The following ARHGAP24 variants were observed in gnomAD, a reference collection of about 807,000 sequenced individuals.
ARHGAP24 encodes the protein Rho GTPase activating protein 24.
In ARHGAP24, 50 loss-of-function variants were observed where a neutral mutation model predicts 76.4. That is an observed-to-expected ratio of 0.65 (90% CI 0.52 to 0.83). ARHGAP24 has a LOEUF of 0.83. Among genes scored for constraint, ARHGAP24 ranks in the 40% least tolerant of loss-of-function variants. The probability of loss-of-function intolerance (pLI) is 0.00; values close to 1 mark genes in which losing one functional copy is unlikely to be tolerated. For synonymous variants in ARHGAP24, 345 were observed against 323.3 expected (o/e 1.07, Z -0.72); for missense variants, 930 against 914.2 (o/e 1.02, Z -0.22).
At chr4:85,764,991 GC>G (rs1726873401) in intron 3 of ARHGAP24, among the ~76,000 whole-genome samples, 1 of 151,924 alleles carries the variant, frequency 6.6e-6, no homozygotes, top group African/African-American at 2.4e-5. Flanking sequence ...GAGATTTTTG[GC>G]CCAAATGGCA....
chr4:85,651,703 G>T, intron 2 of ARHGAP24, among the ~76,000 whole-genome samples: 1 of 137,184 alleles, frequency 7.3e-6, no homozygotes, highest in African/African-American at 3.6e-5. Context: ...TAGGTCATAA[G>T]TGCTCTTAAA....
chr4:85,853,816 T>C (rs1291735214), intron 3 of ARHGAP24, among the ~76,000 whole-genome samples: 1 of 152,010 alleles, frequency 6.6e-6, no homozygotes, highest in Non-Finnish European at 1.5e-5. Context: ...TAGCTGGGCA[T>C]AGTGGCACAC....
At chr4:85,828,856 T>C (rs1408670605) in intron 3 of ARHGAP24, among the ~76,000 whole-genome samples, 2 of 151,988 alleles carry the variant, frequency 1.3e-5, no homozygotes, top group African/African-American at 4.8e-5. Flanking sequence ...TAAATAAATA[T>C]ATAGGAGGTT....
intron 8 of ARHGAP24, among the ~76,000 whole-genome samples, chr4:85,979,218 A>C (rs1205543245): frequency 6.6e-6 from 1 of 152,096 alleles, no homozygotes; most frequent in Non-Finnish European, 1.5e-5. Flanking sequence ...ATGTCACTTC[A>C]TCTCTCTTTT....
chr4:85,851,529 G>A (rs1197483071), intron 3 of ARHGAP24, among the ~76,000 whole-genome samples: 1 of 152,190 alleles, frequency 6.6e-6, no homozygotes, highest in South Asian at 2.1e-4. Flanking sequence ...AGTTGATGCC[G>A]TTTCTTCCTA....
chr4:85,521,338 T>C (rs117263724), intron 1 of ARHGAP24, among the ~76,000 whole-genome samples: 23 of 152,152 alleles, frequency 1.5e-4, no homozygotes, highest in Admixed American at 7.9e-4. Context: ...AGTTACATAG[T>C]GTCTAAGAGT....
chr4:85,535,087 C>A (rs1021431982), intron 1 of ARHGAP24, among the ~76,000 whole-genome samples: 1 of 152,106 alleles, frequency 6.6e-6, no homozygotes, highest in Non-Finnish European at 1.5e-5. Context: ...ATGTTATTTC[C>A]TTGATTCAAA....
At chr4:85,897,651 C>T (rs887012665) in intron 3 of ARHGAP24, among the ~76,000 whole-genome samples, 3 of 152,204 alleles carry the variant, frequency 2.0e-5, no homozygotes, top group African/African-American at 4.8e-5. Context: ...CTCCCCATGG[C>T]TCTCATATTG....
rs150645227 is a variant in ARHGAP24, at chr4:85,942,947, A to G, written c.599+674A>G. Among the ~76,000 whole-genome samples, 83 of 152,246 alleles carry G rather than the reference A, an allele frequency of 5.5e-4. 1 individual carries two copies. The highest frequency in any genetic ancestry group is 1.9e-3 in the African/African-American group (80 of 41,568). On this transcript the variant is annotated intron_variant, in intron 5 of 9. Transcript: ENST00000395184. The stretch of plus-strand genomic sequence containing the variant: ...AACATTATATACCAGAAATGTTTTC[A>G]TATTAATAGTTGAAAAATACCCTTT...
At position 85,634,698 on chromosome 4, in the gene ARHGAP24, C is replaced by A. The variant is rs550994217; in HGVS notation, c.180+63977C>A. On this transcript the variant is annotated intron_variant, in intron 2 of 9. Coordinates refer to ENST00000395184, the MANE Select transcript of ARHGAP24 (RefSeq NM_001025616.3). ...TTTGATGAAACTACCACTACCAGTT[C>A]ATTTAAGTTTTATTCTTTTCCATTG... Among the ~76,000 whole-genome samples the A allele has an allele frequency of 9.9e-5, 15 of 151,966 alleles. No individual in the cohort carries two copies. In the South Asian group the frequency reaches 2.9e-3, roughly 29 times the overall value.
chr4:85,751,142 T>G (rs72656282), intron 3 of ARHGAP24, among the ~76,000 whole-genome samples: 19 of 152,366 alleles, frequency 1.2e-4, no homozygotes, highest in Non-Finnish European at 2.5e-4. Context: ...CATATAAGCA[T>G]TCACTTGTCA....
At chr4:85,629,645 T>A (rs950264904) in intron 2 of ARHGAP24, among the ~76,000 whole-genome samples, 1 of 152,186 alleles carries the variant, frequency 6.6e-6, no homozygotes, top group African/African-American at 2.4e-5. Flanking sequence ...CAGTTTTTTT[T>A]ATTTGAACAG....
chr4:85,934,924 C>T (rs1736546945), intron 4 of ARHGAP24, among the ~76,000 whole-genome samples: 3 of 152,184 alleles, frequency 2.0e-5, no homozygotes, highest in Admixed American at 2.0e-4. Flanking sequence ...TATGCGTGCA[C>T]ATACACACAC....
intron 4 of ARHGAP24, among the ~76,000 whole-genome samples, chr4:85,935,120 A>G (rs1736557898): frequency 6.6e-6 from 1 of 152,222 alleles, no homozygotes; most frequent in Admixed American, 6.5e-5. Flanking sequence ...TATGTTATAT[A>G]TGTTGTAATC....
intron 8 of ARHGAP24, among the ~76,000 whole-genome samples, chr4:85,985,772 A>G (rs758333990): frequency 2.0e-5 from 3 of 152,190 alleles, no homozygotes; most frequent in Non-Finnish European, 2.9e-5. Context: ...CATGCCTCCT[A>G]ATCATTTGCT....
intron 2 of ARHGAP24, among the ~76,000 whole-genome samples, chr4:85,645,756 A>G (rs1560567328): frequency 6.6e-6 from 1 of 152,120 alleles, no homozygotes; most frequent in Non-Finnish European, 1.5e-5. Context: ...CATTTAGAGA[A>G]CTTCCAGAAG....
intron 3 of ARHGAP24, among the ~76,000 whole-genome samples, chr4:85,863,665 A>G (rs529957288): frequency 2.5e-4 from 38 of 152,218 alleles, no homozygotes; most frequent in African/African-American, 8.4e-4. Context: ...AGTACCCTAC[A>G]TATACTTCGA....
chr4:85,580,858 A>G (rs978827083), intron 2 of ARHGAP24, among the ~76,000 whole-genome samples: 4 of 152,204 alleles, frequency 2.6e-5, no homozygotes, highest in African/African-American at 4.8e-5. Flanking sequence ...TGTCTCGTAG[A>G]AGAGTAAGGC....
intron 6 of ARHGAP24, chr4:85,972,500 C>G (rs1739045942): frequency 3.2e-6 from 1 of 309,884 alleles, no homozygotes; most frequent in Non-Finnish European, 6.2e-6. Flanking sequence ...TCGTGTGGAC[C>G]CAAACCACTT....
Sources: allele counts gnomAD v4.1 joint callset (sites outside exome capture counted in the v4.1 genomes callset), GRCh38; gene constraint gnomAD v4.1.1; transcripts MANE v1.5; gene names NCBI Gene and HGNC (gene_info 2026-07-23, HGNC 2026-07-21).